TERB1: variants seen among roughly 807,000 people sequenced by gnomAD.
The protein encoded by TERB1 is telomere repeat binding bouquet formation protein 1.
Under a neutral mutation model 92.3 loss-of-function variants are expected in TERB1, and 63 were observed. The ratio of observed to expected loss-of-function variants is 0.68; its 90% CI spans 0.56 to 0.84. The LOEUF is 0.84. TERB1 is among the 40% of genes least tolerant of loss of function. TERB1 has a pLI of 0.00. For missense variants in TERB1, 709 were observed against 843.7 expected (o/e 0.84, Z 1.98); for synonymous variants, 252 against 283.9 (o/e 0.89, Z 1.13).
At chr16:66,761,591 G>C (rs1423868525) in intron 16 of TERB1, among the ~76,000 whole-genome samples, 1 of 150,658 alleles carries the variant, frequency 6.6e-6, no homozygotes, top group African/African-American at 2.4e-5. Context: ...AAGAATTCAA[G>C]ACCATCCTGG....
In TERB1 at chr16:66,767,429, G is replaced by A. The variant is rs1369800234; in HGVS notation, c.1766C>T (p.Thr589Met). Residue 589 changes from threonine (T) to methionine (M), a missense_variant, in exon 16 of 19, where the codon ACG becomes ATG. Transcript: ENST00000433154. Reference sequence around the variant, plus strand: ...AAAATACTTACCTGAGCACCTATACGTCAACATTTCGGAACAACTGGGAGT... The same window carrying A: ...AAAATACTTACCTGAGCACCTATACATCAACATTTCGGAACAACTGGGAGT... Reference protein sequence around the residue: ...LATPSCSEMLTYRCSGCIAVE... With the variant: ...LATPSCSEMLMYRCSGCIAVE... 3 of 1,521,796 alleles carry A rather than the reference G, an allele frequency of 2.0e-6. No homozygotes were observed. The highest frequency in any genetic ancestry group is 1.4e-5 in the African/African-American group (1 of 71,168). 94.3% of individuals were successfully genotyped at this position (1,521,796 alleles called of 1,614,324 possible).
At chr16:66,785,181 A>G (rs1261641890) in intron 9 of TERB1, among the ~76,000 whole-genome samples, 2 of 151,358 alleles carry the variant, frequency 1.3e-5, no homozygotes, top group Non-Finnish European at 2.9e-5. Flanking sequence ...CACCATGCCC[A>G]GCTAATTGTT....
intron 16 of TERB1, among the ~76,000 whole-genome samples, chr16:66,761,717 G>C (rs2018253667): frequency 6.6e-6 from 1 of 151,934 alleles, no homozygotes; most frequent in African/African-American, 2.4e-5. Flanking sequence ...GAGACCAGGA[G>C]TTCAAGGCTG....
At chr16:66,774,096 T>C (rs1038006075) in intron 12 of TERB1, among the ~76,000 whole-genome samples, 17 of 151,156 alleles carry the variant, frequency 1.1e-4, no homozygotes, top group Non-Finnish European at 2.2e-4. Flanking sequence ...TTCGCCAGGC[T>C]GGTCTTGAAC....
At chr16:66,759,024 G>T in intron 17 of TERB1, 117 bp downstream of exon 17, 1 of 1,057,646 alleles carries the variant, frequency 9.5e-7, no homozygotes. Flanking sequence ...GTTGCTTAGA[G>T]ACAGATTTTC....
chr16:66,787,053 C>T (rs889615929), intron 6 of TERB1, among the ~76,000 whole-genome samples: 1 of 152,160 alleles, frequency 6.6e-6, no homozygotes. Flanking sequence ...CAGCCTTGGC[C>T]TCCCCAAGTG....
chr16:66,799,385 G>C (rs1028725867), intron 2 of TERB1, among the ~76,000 whole-genome samples: 2 of 151,926 alleles, frequency 1.3e-5, no homozygotes, highest in African/African-American at 4.8e-5. Context: ...GCACCACCAT[G>C]CCTGGCTAAT....
At chr16:66,763,276 A>G (rs901075783) in intron 16 of TERB1, among the ~76,000 whole-genome samples, 14 of 152,148 alleles carry the variant, frequency 9.2e-5, no homozygotes, top group Admixed American at 2.6e-4. Context: ...TCTGACTTAC[A>G]TTCGGTTAAC....
At chr16:66,771,301 T>C (rs1353719869) in intron 13 of TERB1, among the ~76,000 whole-genome samples, 1 of 152,200 alleles carries the variant, frequency 6.6e-6, no homozygotes, top group Non-Finnish European at 1.5e-5. Context: ...ATCAAAACGC[T>C]GTGGGGAAAC....
At position 66,790,732 on chromosome 16, in the gene TERB1, T is replaced by C. The variant is rs1393725405; in HGVS notation, c.143-9A>G. ...ATAAACACTTGCATTACCTGTAGGA[T>C]GTGCAGAAAAAAAACAAAATAGAAA... On this transcript the variant is annotated splice_polypyrimidine_tract_variant and intron_variant, in intron 4 of 18. Coordinates refer to ENST00000433154, the MANE Select transcript of TERB1 (RefSeq NM_001136505.2). 1.3e-6 allele frequency: 2 copies of C among 1,546,398 alleles called. No individual in the cohort carries two copies. The highest frequency in any genetic ancestry group is 2.0e-5 in the Admixed American group (1 of 49,868).
At chr16:66,788,755 A>T (rs2018770309) in intron 5 of TERB1, among the ~76,000 whole-genome samples, 1 of 152,078 alleles carries the variant, frequency 6.6e-6, no homozygotes. Flanking sequence ...ATACTACCTG[A>T]TAGTTTTTGT....
At chr16:66,782,567 A>AG (rs1348525477) in intron 9 of TERB1, among the ~76,000 whole-genome samples, 1 of 151,606 alleles carries the variant, frequency 6.6e-6, no homozygotes, top group Non-Finnish European at 1.5e-5. Context: ...AAAAAAAAAA[A>AG]GAATCTGTAA....
chr16:66,761,444 T>C (rs1470444406), intron 16 of TERB1, among the ~76,000 whole-genome samples: 1 of 88,620 alleles, frequency 1.1e-5, no homozygotes, highest in African/African-American at 5.0e-5. Context: ...AGAACAAGAC[T>C]CTGTCTCAAA....
upstream of TERB1, chr16:66,801,590 G>A (rs1220500381): frequency 6.6e-6 from 1 of 152,248 alleles, no homozygotes; most frequent in Non-Finnish European, 1.5e-5. Context: ...CGCACGACAG[G>A]GTTTCCCGCC....
At chr16:66,771,725 A>C (rs1303132586) in intron 13 of TERB1, among the ~76,000 whole-genome samples, 1 of 152,092 alleles carries the variant, frequency 6.6e-6, no homozygotes, top group African/African-American at 2.4e-5. Flanking sequence ...CAATGGTAAA[A>C]ATTTAAATAT....
At chr16:66,761,764 C>A (rs1022422183) in intron 16 of TERB1, among the ~76,000 whole-genome samples, 1 of 148,860 alleles carries the variant, frequency 6.7e-6, no homozygotes. Context: ...CAGAATAAGA[C>A]CCTGTCTCAA....
chr16:66,787,730 A>G (rs533718921), intron 6 of TERB1, among the ~76,000 whole-genome samples: 2 of 152,326 alleles, frequency 1.3e-5, no homozygotes, highest in South Asian at 2.1e-4. Flanking sequence ...CTTAAAATTA[A>G]TAAGTATTGA....
rs966397187 is a variant in TERB1 at position 66,792,084 on chromosome 16, G to A, written c.32-1065C>T. ...ATATATTAAAATAAAAATACATCAC[G>A]ACTAAGTGGGTTTATCCCAGAAATA... On this transcript the variant is annotated intron_variant, in intron 3 of 18. Transcript: ENST00000433154. 5.3e-5 allele frequency among the ~76,000 whole-genome samples: 8 copies of A among 151,822 alleles called. No individual in the cohort carries two copies. The South Asian group carries it at 6.2e-4, about 12-fold the overall frequency.
intron 18 of TERB1, among the ~76,000 whole-genome samples, chr16:66,756,850 T>A (rs979135967): frequency 1.3e-5 from 2 of 152,196 alleles, no homozygotes; most frequent in Admixed American, 6.5e-5. Flanking sequence ...ACTTCTTTAG[T>A]GCTCCTTGTA....
Sources: allele counts gnomAD v4.1 joint callset (sites outside exome capture counted in the v4.1 genomes callset), GRCh38; gene constraint gnomAD v4.1.1; transcripts MANE v1.5; gene names NCBI Gene and HGNC (gene_info 2026-07-23, HGNC 2026-07-21).